The following MKI67 variants were observed in gnomAD, a reference collection of about 807,000 sequenced individuals.
MKI67 encodes marker of proliferation Ki-67, also known as proliferation marker protein Ki-67.
MKI67 carries 152 observed loss-of-function variants against 233.5 expected under a neutral mutation model. That is an observed-to-expected ratio of 0.65 (90% CI 0.57 to 0.74). The LOEUF is 0.74. Among genes scored for constraint, MKI67 ranks in the 30% least tolerant of loss-of-function variants. The pLI, the probability that MKI67 is intolerant of heterozygous loss-of-function variation, is 0.00. For synonymous variants in MKI67, 1,465 were observed against 1,418.5 expected, an observed-to-expected ratio of 1.03 and a Z score of -0.74; for missense variants, 3,940 against 3,885.2, an observed-to-expected ratio of 1.01 and a Z score of -0.37.
rs555740944 is a variant in MKI67, at chr10:128,119,589, T to C, written c.288-270A>G. On this transcript the variant is annotated intron_variant, in intron 4 of 14. Coordinates refer to ENST00000368654, the MANE Select transcript of MKI67 (RefSeq NM_002417.5). Reference sequence around the variant, plus strand: ...CACTGACGAACAGCCCAGGTATGATTTGACAATATTACCAAGCACCTTCTA... The same window carrying C: ...CACTGACGAACAGCCCAGGTATGATCTGACAATATTACCAAGCACCTTCTA... Among the ~76,000 whole-genome samples the C allele has an allele frequency of 8.5e-4, 129 of 152,332 alleles. 1 individual carries two copies. The highest frequency in any genetic ancestry group is 1.9e-3 in the Admixed American group (29 of 15,296).
At position 128,101,579 on chromosome 10, in the gene MKI67, G is replaced by T. The variant is rs770526425; in HGVS notation, c.9384C>A (p.Ser3128=). The T allele has an allele frequency of 6.2e-6, 10 of 1,614,154 alleles. No individual in the cohort carries two copies. Among genetic ancestry groups the T allele is most frequent in the Non-Finnish European group, 7.6e-6 (9 of 1,180,038 alleles). ...NRNEKKPMKT[S]PEMDIQNPDD... is the part of the protein sequence containing the mutation. Reference sequence around the variant, plus strand: ...CTGGATTCTGAATGTCCATCTCTGGGGAGGTCTTCATGGGCTTCTTTTCAT... The same window carrying T: ...CTGGATTCTGAATGTCCATCTCTGGTGAGGTCTTCATGGGCTTCTTTTCAT... The change falls in exon 14 of 15, where the codon TCC becomes TCA. Residue 3128 remains serine, a synonymous_variant. Transcript: ENST00000368654.
chr10:128,116,406 C>A, intron 6 of MKI67, 85 bp downstream of exon 6: 1 of 1,210,166 alleles, frequency 8.3e-7, no homozygotes, highest in South Asian at 1.2e-5. Context: ...TTAGCACTTG[C>A]ATTCTTGTTG....
rs2136127858 is a variant in MKI67, at chr10:128,103,783, G to C, written c.8057C>G (p.Ser2686Cys). Reference protein sequence around the residue: ...LEDLAGFTELSETSGHTQESL... With the variant: ...LEDLAGFTELCETSGHTQESL... ...TTCCTGAGTGTGACCTGATGTTTCA[G>C]AGAGCTCTGTGAAGCCGGCCAGGTC... Residue 2686 changes from serine to cysteine, a missense_variant, in exon 13 of 15, where the codon TCT becomes TGT. By Grantham distance (112) the Ser-to-Cys change is moderately radical (BLOSUM62 -1). Transcript: ENST00000368654. 6.2e-7 allele frequency: 1 copy of C among 1,613,778 alleles called. No individual in the cohort carries two copies. The highest frequency in any genetic ancestry group is 8.5e-7 in the Non-Finnish European group (1 of 1,179,948).
Position 128,115,502 on chromosome 10 carries a change from A to G in MKI67, c.906T>C (p.Ala302=). ...SRPKSGGSGH[A]VAEPASPEQE... ...GTTCAGGTGAAGCAGGCTCTGCCAC[A>G]GCGTGGCCGCTCCCACCAGATTTTG... is the stretch of plus-strand genomic sequence containing the variant. Residue 302 remains alanine (A), a synonymous_variant, in exon 7 of 15, where the codon GCT becomes GCC. Transcript: ENST00000368654. 6.2e-7 allele frequency: 1 copy of G among 1,614,184 alleles called. No homozygotes were observed. Among genetic ancestry groups the G allele is most frequent in the African/African-American group, 1.3e-5 (1 of 75,066 alleles).
At chr10:128,110,756 T>C (rs1189319441) in intron 11 of MKI67, among the ~76,000 whole-genome samples, 1 of 152,228 alleles carries the variant, frequency 6.6e-6, no homozygotes, top group Non-Finnish European at 1.5e-5. Flanking sequence ...GCTTTGCTTT[T>C]CTTGGAAAGG....
chr10:128,107,845 C>A lies in MKI67; in HGVS notation c.3995G>T (p.Arg1332Leu). The A allele has an allele frequency of 2.5e-6, 4 of 1,607,114 alleles. No homozygotes were observed. Among genetic ancestry groups the A allele is most frequent in the Non-Finnish European group, 3.4e-6 (4 of 1,178,014 alleles). ...GGCCTCTTCCTTAGGAGTTTGTGGC[C>A]GTCTCTTGCTGCCGGTTAAGTTCTC... ...LTENLTGSKR[R>L]PQTPKEEAQA... The change falls in exon 13 of 15, where the codon CGG becomes CTG. Residue 1332 changes from arginine to leucine, a missense_variant. Arg to Leu is a moderately radical substitution (Grantham distance 102). Transcript: ENST00000368654.
chr10:128,107,193 T>C lies in MKI67; in HGVS notation c.4647A>G (p.Lys1549=), dbSNP rs137985612. ...HTPKPAVSGE[K]NIYAFMGTPV... is the part of the protein sequence containing the mutation. ...GAGTTCCCATAAATGCGTAGATGTTTTTCTCACCACTTACTGCTGGTTTGG... is the reference window on the plus strand; with the variant it reads ...GAGTTCCCATAAATGCGTAGATGTTCTTCTCACCACTTACTGCTGGTTTGG... Residue 1549 remains lysine (K), a synonymous_variant, in exon 13 of 15, where the codon AAA becomes AAG. Transcript: ENST00000368654. 5.1e-5 allele frequency: 82 copies of C among 1,613,968 alleles called. No individual in the cohort carries two copies. The highest frequency in any genetic ancestry group is 6.5e-5 in the Non-Finnish European group (77 of 1,180,018).
In MKI67 at chr10:128,104,437, T is replaced by C; in HGVS notation, c.7403A>G (p.Gln2468Arg). 6.2e-7 allele frequency: 1 copy of C among 1,613,982 alleles called. No homozygotes were observed. The highest frequency in any genetic ancestry group is 8.5e-7 in the Non-Finnish European group (1 of 1,180,010). Reference protein sequence around the residue: ...KITEVSCKSPQPESFKTSRSS... With the variant: ...KITEVSCKSPRPESFKTSRSS... The stretch of plus-strand genomic sequence containing the variant: ...TCTTGAGGTTTTGAATGACTCTGGC[T>C]GTGGAGATTTACAGGATACTTCTGT... The change falls in exon 13 of 15, where the codon CAG becomes CGG. Residue 2468 changes from glutamine (Q) to arginine (R), a missense_variant. Gln to Arg is a conservative substitution (Grantham distance 43, BLOSUM62 1). Coordinates refer to ENST00000368654, the MANE Select transcript of MKI67 (RefSeq NM_002417.5).
rs760911334 is a variant in MKI67 at position 128,105,745 on chromosome 10, GTC to G, written c.6093_6094del (p.Glu2031AspfsTer12). 2 of 1,614,086 alleles carry G rather than the reference GTC, an allele frequency of 1.2e-6. No homozygotes were observed. Among genetic ancestry groups the G allele is most frequent in the East Asian group, 2.2e-5 (1 of 44,850 alleles). ...TTTGATGCTCTTTCCATCTCCTGCT[GTC>G]TCTCTGTGTGTCTGTGTGGTCTTCC... On this transcript the variant is annotated frameshift_variant, in exon 13 of 15. Coordinates refer to ENST00000368654, the MANE Select transcript of MKI67 (RefSeq NM_002417.5). LOFTEE classifies it high-confidence loss of function.
In MKI67 at chr10:128,099,176, G is replaced by T; in HGVS notation, c.*14C>A. The T allele has an allele frequency of 3.1e-6, 5 of 1,594,482 alleles. No homozygotes were observed. In the South Asian group the frequency reaches 5.7e-5, roughly 18 times the overall value. ...AACTAACTTTATTATATTTTTCCCAGTTCGATTTTTCTGTCAAATATCTTC... is the reference window on the plus strand; with the variant it reads ...AACTAACTTTATTATATTTTTCCCATTTCGATTTTTCTGTCAAATATCTTC... On this transcript the variant is annotated 3_prime_UTR_variant, in exon 15 of 15. Coordinates refer to ENST00000368654, the MANE Select transcript of MKI67 (RefSeq NM_002417.5).
chr10:128,111,600 A>C (rs1264999220), intron 11 of MKI67, 45 bp downstream of exon 11: 2 of 1,514,556 alleles, frequency 1.3e-6, no homozygotes, highest in Non-Finnish European at 1.8e-6. Flanking sequence ...ACAGTAAAAA[A>C]CAGTAGAGTC....
Position 128,103,846 on chromosome 10 carries a change from C to G in MKI67, c.7994G>C (p.Arg2665Thr). The G allele has an allele frequency of 6.2e-7, 1 of 1,613,802 alleles. No homozygotes were observed. The highest frequency in any genetic ancestry group is 8.5e-7 in the Non-Finnish European group (1 of 1,179,952). Residue 2665 changes from arginine (R) to threonine (T), a missense_variant, in exon 13 of 15, where the codon AGG (arginine) becomes ACG (threonine). Coordinates refer to ENST00000368654, the MANE Select transcript of MKI67 (RefSeq NM_002417.5). The stretch of plus-strand genomic sequence containing the variant: ...GGCCTTTTCCTTAGGTGCTCTTGGC[C>G]TTCTCCTGCTGGGTTCCTCTTCTAC... ...NPVEEEPSRR[R>T]PRAPKEKAQP...
In MKI67 at chr10:128,108,793, T is replaced by C. The variant is rs748709883; in HGVS notation, c.3047A>G (p.Asn1016Ser). The change falls in exon 13 of 15, where the codon AAC (asparagine) becomes AGC (serine). Residue 1016 changes from asparagine (N) to serine (S), a missense_variant. Physicochemically the swap from Asn to Ser is conservative, Grantham distance 46. Transcript: ENST00000368654. ...PCQSLQPEPI[N>S]TPTHTKQQLK... is the part of the protein sequence containing the mutation. ...CTGTTGTTTTGTGTGTGTTGGGGTG[T>C]TTATTGGTTCTGGTTGTAATGACTG... 3 of 1,614,058 alleles carry C rather than the reference T, an allele frequency of 1.9e-6. No individual in the cohort carries two copies. The African/African-American group carries it at 4.0e-5, about 22-fold the overall frequency.
chr10:128,107,288 C>G lies in MKI67; in HGVS notation c.4552G>C (p.Val1518Leu). 1.2e-6 allele frequency: 2 copies of G among 1,614,136 alleles called. No homozygotes were observed. Among genetic ancestry groups the G allele is most frequent in the Non-Finnish European group, 1.7e-6 (2 of 1,180,026 alleles). The change falls in exon 13 of 15, where the codon GTG becomes CTG. Residue 1518 changes from valine (V) to leucine (L), a missense_variant. Coordinates refer to ENST00000368654, the MANE Select transcript of MKI67 (RefSeq NM_002417.5). ...GCGAAGAATTCTTCTTCTACGTCCA[C>G]TTTCCTGAGACTTCTCTTGGACTGT... ...KPQSKRSLRK[V>L]DVEEEFFALR... is the part of the protein sequence containing the mutation.
rs1852229396 is a variant in MKI67, at chr10:128,097,187, A to G, written c.*2003T>C. On this transcript the variant is annotated 3_prime_UTR_variant, in exon 15 of 15. Coordinates refer to ENST00000368654, the MANE Select transcript of MKI67 (RefSeq NM_002417.5). ...GAAATTCACTTGGAAACTGAAGCTC[A>G]GAGAAGTTACCATACCATGGTGGAA... is the stretch of plus-strand genomic sequence containing the variant. 6.6e-6 allele frequency: 1 copy of G among 152,216 alleles called. No homozygotes were observed. The highest frequency in any genetic ancestry group is 1.5e-5 in the Non-Finnish European group (1 of 68,048). The allele number at this position is 152,216 out of a possible 1,614,324, so 9.4% of individuals were successfully genotyped here.
At position 128,106,373 on chromosome 10, in the gene MKI67, T is replaced by C. The variant is rs528082941; in HGVS notation, c.5467A>G (p.Lys1823Glu). 4 of 1,613,986 alleles carry C rather than the reference T, an allele frequency of 2.5e-6. No individual in the cohort carries two copies. In the South Asian group the frequency reaches 4.4e-5, roughly 18 times the overall value. ...TCTTCTAGAGCCTGGGCCTTTTCCT[T>C]ACGAGTTTGTAGCCGTCTATTGCTG... The part of the protein sequence containing the change: ...PGSNRRLQTR[K>E]EKAQALEELT... The change falls in exon 13 of 15, where the codon AAG becomes GAG. Residue 1823 changes from lysine to glutamate, a missense_variant. By Grantham distance (56) the Lys-to-Glu change is moderately conservative. Coordinates refer to ENST00000368654, the MANE Select transcript of MKI67 (RefSeq NM_002417.5).
Position 128,115,944 on chromosome 10 carries a change from G to T in MKI67, c.464C>A (p.Pro155His), listed in dbSNP as rs1190589837. 6.2e-7 allele frequency: 1 copy of T among 1,609,900 alleles called. No individual in the cohort carries two copies. The highest frequency in any genetic ancestry group is 1.3e-5 in the African/African-American group (1 of 74,780). The change falls in exon 7 of 15, where the codon CCT becomes CAT. Residue 155 changes from proline to histidine, a missense_variant. Physicochemically the swap from Pro to His is moderately conservative, Grantham distance 77. Coordinates refer to ENST00000368654, the MANE Select transcript of MKI67 (RefSeq NM_002417.5). The stretch of plus-strand genomic sequence containing the variant: ...TTTGACATTCTTGATATGTACCTGA[G>T]GATTTCCTGAAACTTTTCCTTCAGT... ...KITEGKVSGN[P>H]QVHIKNVKED...
At position 128,107,096 on chromosome 10, in the gene MKI67, C is replaced by T. The variant is rs1852519762; in HGVS notation, c.4744G>A (p.Ala1582Thr). The T allele has an allele frequency of 1.2e-6, 2 of 1,613,674 alleles. No individual in the cohort carries two copies. The highest frequency in any genetic ancestry group is 1.7e-6 in the Non-Finnish European group (2 of 1,179,932). The change falls in exon 13 of 15, where the codon GCC becomes ACC. Residue 1582 changes from alanine to threonine, a missense_variant. Ala to Thr is a moderately conservative substitution (Grantham distance 58). Transcript: ENST00000368654. ...CCAGCCAGGTCTTCTAGAGCCTGGG[C>T]CTTTTCCTTAGGAGTTTGTAGCCGT... Reference protein sequence around the residue: ...KRRLQTPKEKAQALEDLAGFK... With the variant: ...KRRLQTPKEKTQALEDLAGFK...
At chr10:128,113,278 A>G in intron 8 of MKI67, 149 bp downstream of exon 8, 1 of 953,352 alleles carries the variant, frequency 1.0e-6, no homozygotes, top group Non-Finnish European at 1.5e-6. Context: ...CACATCAATG[A>G]GCTTTCATTC....
Sources: allele counts gnomAD v4.1 joint callset (sites outside exome capture counted in the v4.1 genomes callset), GRCh38; gene constraint gnomAD v4.1.1; transcripts MANE v1.5; gene names NCBI Gene and HGNC (gene_info 2026-07-23, HGNC 2026-07-21).